The following NCAM2 variants were observed in gnomAD, a reference collection of about 807,000 sequenced individuals.
The protein encoded by NCAM2 is N-CAM-2.
NCAM2 carries 30 observed loss-of-function variants against 98.1 expected under a neutral mutation model. That is an observed-to-expected ratio of 0.31 (90% CI 0.23 to 0.41). NCAM2 has a LOEUF of 0.41. Ranked by LOEUF, NCAM2 falls within the 10% of genes least tolerant of loss-of-function variation. The probability of loss-of-function intolerance (pLI) is 1.00; values close to 1 mark genes in which losing one functional copy is unlikely to be tolerated. For missense variants in NCAM2, 867 were observed against 1,005.8 expected (o/e 0.86, Z 1.87); for synonymous variants, 368 against 342.4 (o/e 1.07, Z -0.83).
At chr21:21,335,756 T>C in intron 7 of NCAM2, 91 bp downstream of exon 7, 2 of 1,059,980 alleles carry the variant, frequency 1.9e-6, no homozygotes, top group Non-Finnish European at 2.5e-6. Context: ...ATTTAAACTT[T>C]CCATATTAAA....
intron 1 of NCAM2, among the ~76,000 whole-genome samples, chr21:21,146,665 AATTC>A (rs1162205848): frequency 6.6e-6 from 1 of 151,650 alleles, no homozygotes; most frequent in Non-Finnish European, 1.5e-5. Context: ...AAAAAACTTA[AATTC>A]ACAGTTTCTT....
chr21:21,182,043 AAC>A (rs1569118186), intron 1 of NCAM2, among the ~76,000 whole-genome samples: 1 of 151,140 alleles, frequency 6.6e-6, no homozygotes, highest in African/African-American at 2.5e-5. Flanking sequence ...AAAAAAAAAA[AAC>A]AAATAAAAAT....
At position 21,390,111 on chromosome 21, in the gene NCAM2, G is replaced by A. The variant is rs557020481; in HGVS notation, c.1195+16098G>A. On this transcript the variant is annotated intron_variant, in intron 9 of 17. Coordinates refer to ENST00000400546, the MANE Select transcript of NCAM2 (RefSeq NM_004540.5). ...GATCCACCCTCCTCGGCCTCCCAAAGTGCTGGGATTACAGGTGCGAGCCAC... is the reference window on the plus strand; with the variant it reads ...GATCCACCCTCCTCGGCCTCCCAAAATGCTGGGATTACAGGTGCGAGCCAC... Among the ~76,000 whole-genome samples the A allele has an allele frequency of 1.4e-3, 220 of 152,088 alleles. 1 individual carries two copies. In the South Asian group the frequency reaches 0.019, roughly 13 times the overall value.
At chr21:21,286,067 A>G (rs2073086493) in intron 3 of NCAM2, among the ~76,000 whole-genome samples, 1 of 151,962 alleles carries the variant, frequency 6.6e-6, no homozygotes, top group Non-Finnish European at 1.5e-5. Context: ...TATGGCATTG[A>G]AAGATCTTTG....
At chr21:21,427,685 C>T (rs1847801175) in intron 11 of NCAM2, among the ~76,000 whole-genome samples, 1 of 152,190 alleles carries the variant, frequency 6.6e-6, no homozygotes, top group Admixed American at 6.5e-5. Context: ...CATTCAGTGA[C>T]TCCAGAGATT....
chr21:21,428,626 G>C (rs1396339730), intron 11 of NCAM2, among the ~76,000 whole-genome samples: 1 of 152,160 alleles, frequency 6.6e-6, no homozygotes, highest in Admixed American at 6.5e-5. Flanking sequence ...AGGTAACAGA[G>C]GAAATGGGAA....
chr21:21,330,639 A>G (rs2074648392), intron 6 of NCAM2, among the ~76,000 whole-genome samples: 1 of 152,004 alleles, frequency 6.6e-6, no homozygotes, highest in Non-Finnish European at 1.5e-5. Context: ...ATTTTTTTGT[A>G]ACGATTCTTC....
intron 4 of NCAM2, among the ~76,000 whole-genome samples, chr21:21,291,487 A>G (rs2073292643): frequency 6.6e-6 from 1 of 152,008 alleles, no homozygotes; most frequent in East Asian, 1.9e-4. Context: ...GTGCACACAC[A>G]CACACACACA....
intron 1 of NCAM2, among the ~76,000 whole-genome samples, chr21:21,131,226 A>AT (rs2066926625): frequency 6.6e-6 from 1 of 150,728 alleles, no homozygotes. Context: ...TTCAATAACC[A>AT]TATCTACAAC....
intron 1 of NCAM2, among the ~76,000 whole-genome samples, chr21:21,204,976 C>A (rs994114041): frequency 6.6e-6 from 1 of 152,078 alleles, no homozygotes; most frequent in Non-Finnish European, 1.5e-5. Flanking sequence ...GCACACATAT[C>A]ATTCACTTTA....
intron 6 of NCAM2, among the ~76,000 whole-genome samples, chr21:21,327,231 C>T (rs1319176422): frequency 6.8e-6 from 1 of 146,646 alleles, no homozygotes; most frequent in Non-Finnish European, 1.5e-5. Flanking sequence ...TAGCTTGAAC[C>T]CGGGAGACGG....
intron 12 of NCAM2, among the ~76,000 whole-genome samples, chr21:21,446,535 T>C (rs1328376761): frequency 6.6e-6 from 1 of 152,072 alleles, no homozygotes; most frequent in East Asian, 1.9e-4. Flanking sequence ...CACATAGTAT[T>C]GGAAGTTCAG....
rs150332503 is a variant in NCAM2, at chr21:21,116,452, A to G, written c.55+117834A>G. On this transcript the variant is annotated intron_variant, in intron 1 of 17. Coordinates refer to ENST00000400546, the MANE Select transcript of NCAM2 (RefSeq NM_004540.5). Reference sequence around the variant, plus strand: ...TACCACAAGTAGATATGGCTGACGAAGTGTCTTTCACCTTGATAGGACGGC... The same window carrying G: ...TACCACAAGTAGATATGGCTGACGAGGTGTCTTTCACCTTGATAGGACGGC... Among the ~76,000 whole-genome samples, 1,293 of 152,304 alleles carry G rather than the reference A, an allele frequency of 8.5e-3. 16 individuals are homozygous for G. Among genetic ancestry groups the G allele is most frequent in the East Asian group, 0.06 (311 of 5,168 alleles).
chr21:21,004,982 A>T (rs2064085089), intron 1 of NCAM2, among the ~76,000 whole-genome samples: 1 of 152,162 alleles, frequency 6.6e-6, no homozygotes, highest in African/African-American at 2.4e-5. Flanking sequence ...AAAAAAAATG[A>T]GTGAACAAAT....
At chr21:21,213,414 T>A (rs117955148) in intron 1 of NCAM2, among the ~76,000 whole-genome samples, 2,624 of 152,278 alleles carry the variant, frequency 0.017, 52 homozygotes, top group Admixed American at 0.039. Flanking sequence ...TAGCATAATA[T>A]TGTTAAGTTA....
chr21:21,195,920 A>G (rs2068988833), intron 1 of NCAM2, among the ~76,000 whole-genome samples: 1 of 152,262 alleles, frequency 6.6e-6, no homozygotes, highest in South Asian at 2.1e-4. Flanking sequence ...ATATGTACTT[A>G]TAATGAGGAT....
chr21:21,208,070 C>T (rs536042751), intron 1 of NCAM2, among the ~76,000 whole-genome samples: 151 of 152,218 alleles, frequency 9.9e-4, no homozygotes, highest in African/African-American at 3.4e-3. Flanking sequence ...ATTTTTGCTT[C>T]TGTGAACTTG....
intron 1 of NCAM2, among the ~76,000 whole-genome samples, chr21:21,273,397 A>T (rs2072604864): frequency 6.6e-6 from 1 of 152,224 alleles, no homozygotes; most frequent in African/African-American, 2.4e-5. Context: ...GATACCATAT[A>T]CTACTATATA....
At chr21:21,095,857 T>C (rs554856645) in intron 1 of NCAM2, among the ~76,000 whole-genome samples, 6 of 151,718 alleles carry the variant, frequency 4.0e-5, no homozygotes, top group Admixed American at 6.6e-5. Flanking sequence ...CTTTATATTA[T>C]GAATCTAGCC....
Sources: gnomAD v4.1 joint callset for allele counts (sites outside exome capture counted in the v4.1 genomes callset) on GRCh38, gnomAD v4.1.1 for gene constraint, MANE v1.5 for transcripts, NCBI Gene and HGNC (gene_info 2026-07-23, HGNC 2026-07-21) for gene names.